The following RMST variants were observed in gnomAD, a reference collection of about 807,000 sequenced individuals.
The protein encoded by RMST is long intergenic non-protein coding RNA 54.
At chr12:97,492,264 G>C (rs932245929) in intron 5 of RMST, among the ~76,000 whole-genome samples, 16 of 152,164 alleles carry the variant, frequency 1.1e-4, no homozygotes, top group African/African-American at 3.1e-4. Flanking sequence ...ATATCTGTCA[G>C]ATCTTAACAC....
intron 10 of RMST, among the ~76,000 whole-genome samples, chr12:97,514,725 G>C (rs1565928975): frequency 6.6e-6 from 1 of 150,998 alleles, no homozygotes; most frequent in Non-Finnish European, 1.5e-5. Context: ...AATAGAGATT[G>C]ATTACATTTT....
intron 5 of RMST, among the ~76,000 whole-genome samples, chr12:97,477,004 G>C (rs996557524): frequency 1.3e-5 from 2 of 152,140 alleles, no homozygotes; most frequent in Admixed American, 1.3e-4. Context: ...CTAGAGCCAG[G>C]CATTACTGAG....
At chr12:97,530,261 C>G (rs758776924) in intron 10 of RMST, 1 of 152,064 alleles carries the variant, frequency 6.6e-6, no homozygotes, top group Non-Finnish European at 1.5e-5. Context: ...GTAGCCTTAA[C>G]ATTGGGATTG....
At chr12:97,487,320 G>A (rs547049263) in intron 5 of RMST, among the ~76,000 whole-genome samples, 6 of 152,310 alleles carry the variant, frequency 3.9e-5, no homozygotes, top group South Asian at 2.1e-4. Flanking sequence ...CTGGGTAGAT[G>A]TGAGCTTTTT....
intron 10 of RMST, among the ~76,000 whole-genome samples, chr12:97,517,483 T>C (rs747380204): frequency 1.1e-4 from 17 of 151,956 alleles, no homozygotes; most frequent in Non-Finnish European, 2.5e-4. Context: ...TTAAGGTTTT[T>C]CTTTAAAGAA....
At chr12:97,503,395 T>C (rs183677134) in intron 10 of RMST, among the ~76,000 whole-genome samples, 29 of 151,882 alleles carry the variant, frequency 1.9e-4, no homozygotes, top group Admixed American at 1.8e-3. Context: ...AAATTATCTA[T>C]AGTGAGATTA....
intron 5 of RMST, chr12:97,491,998 C>A (rs574766929): frequency 1.9e-6 from 1 of 529,450 alleles, no homozygotes; most frequent in East Asian, 5.5e-5. Flanking sequence ...AATGGAACTT[C>A]TCCCTTGAGA....
chr12:97,563,911 A>G (rs1335987587), intron 13 of RMST: 3 of 505,770 alleles, frequency 5.9e-6, no homozygotes, highest in East Asian at 5.6e-5. Context: ...GTGAAAAATC[A>G]TCAACTAAGA....
chr12:97,524,277 T>C (rs1880868978), intron 10 of RMST, among the ~76,000 whole-genome samples: 1 of 151,884 alleles, frequency 6.6e-6, no homozygotes, highest in South Asian at 2.1e-4. Context: ...ACCTACTGAA[T>C]CAAAATCTGC....
intron 10 of RMST, among the ~76,000 whole-genome samples, chr12:97,515,364 A>G (rs1879821817): frequency 6.6e-6 from 1 of 152,164 alleles, no homozygotes; most frequent in East Asian, 1.9e-4. Flanking sequence ...GTATGTTTTT[A>G]GAGAATAGAA....
At position 97,524,076 on chromosome 12, in the gene RMST, A is replaced by AGAGAAAAAAAAAAAAAAAAAG. The variant is rs1555232791; in HGVS notation, n.1341-6579_1341-6578insGAGAAAAAAAAAAAAAAAAAG. On this transcript the variant is annotated intron_variant and non_coding_transcript_variant, in intron 10 of 13. Coordinates refer to ENST00000640149, the Ensembl canonical transcript of RMST. ...GGGCAACAGAGTGAGACTCTGTCTC[A>AGAGAAAAAAAAAAAAAAAAAG]AAAAAAAAAAAAAAAAAAAAAAAAA... 8.6e-5 allele frequency among the ~76,000 whole-genome samples: 2 copies of AGAGAAAAAAAAAAAAAAAAAG among 23,222 alleles called. 1 individual carries two copies. Among genetic ancestry groups the AGAGAAAAAAAAAAAAAAAAAG allele is most frequent in the Non-Finnish European group, 2.1e-4 (2 of 9,628 alleles). The allele number at this position is 23,222 out of a possible 152,430, so 15.2% of individuals were successfully genotyped here. A position where few individuals can be genotyped will look rare whatever the true frequency, so the allele number is the denominator to read the frequency against.
intron 10 of RMST, among the ~76,000 whole-genome samples, chr12:97,523,382 G>A (rs1156672481): frequency 6.6e-6 from 1 of 152,202 alleles, no homozygotes; most frequent in Non-Finnish European, 1.5e-5. Context: ...GGGGGACGAA[G>A]TTATAGTTAG....
chr12:97,469,162 GTGTGTGTGTGTGTGTGTGTA>G (rs1436812210), intron 5 of RMST, among the ~76,000 whole-genome samples: 2 of 147,204 alleles, frequency 1.4e-5, no homozygotes, highest in Non-Finnish European at 3.0e-5. Flanking sequence ...GTGTGTGTGT[GTGTGTGTGTGTGTGTGTGTA>G]TGTGTGTATA....
chr12:97,467,592 A>T (rs1873352035), intron 5 of RMST, among the ~76,000 whole-genome samples: 1 of 151,966 alleles, frequency 6.6e-6, no homozygotes. Context: ...TCCTCTCCTG[A>T]TATGTTTACT....
chr12:97,538,808 C>T (rs1882289712), intron 11 of RMST, among the ~76,000 whole-genome samples: 1 of 151,236 alleles, frequency 6.6e-6, no homozygotes, highest in East Asian at 1.9e-4. Context: ...TTTGGGTTCA[C>T]TAAAACAGGT....
At chr12:97,508,290 G>T (rs1878912479) in intron 10 of RMST, among the ~76,000 whole-genome samples, 1 of 152,086 alleles carries the variant, frequency 6.6e-6, no homozygotes, top group Non-Finnish European at 1.5e-5. Flanking sequence ...TGAAAGAAAA[G>T]AAAAGAAGAG....
At chr12:97,463,814 T>A (rs1370251495) in intron 4 of RMST, among the ~76,000 whole-genome samples, 1 of 152,134 alleles carries the variant, frequency 6.6e-6, no homozygotes, top group Non-Finnish European at 1.5e-5. Context: ...CATACTCCAT[T>A]TGAAATATAT....
In RMST at chr12:97,482,727, AAATAAATTTATATTATTTATTTAT is replaced by A. The variant is rs1875534314; in HGVS notation, n.645-9733_645-9710del. Among the ~76,000 whole-genome samples, 2 of 63,816 alleles carry A rather than the reference AAATAAATTTATATTATTTATTTAT, an allele frequency of 3.1e-5. 1 individual carries two copies. The highest frequency in any genetic ancestry group is 1.3e-4 in the African/African-American group (2 of 15,700). 41.9% of individuals were successfully genotyped at this position (63,816 alleles called of 152,430 possible). Reference sequence around the variant, plus strand: ...AATAAATTTATATTATTTATTTATTAAATAAATTTATATTATTTATTTATTAAATAAATTTATATTATTTATTTA... The same window carrying A: ...AATAAATTTATATTATTTATTTATTATAAATAAATTTATATTATTTATTTA... On this transcript the variant is annotated intron_variant and non_coding_transcript_variant, in intron 5 of 13. Transcript: ENST00000640149.
exon 4 of RMST, chr12:97,463,166 G>A (rs915808772): frequency 1.3e-5 from 2 of 152,258 alleles, no homozygotes; most frequent in East Asian, 3.9e-4. Context: ...TATGCAGGCA[G>A]ATGAGTGTCA....
Sources: allele counts gnomAD v4.1 joint callset (sites outside exome capture counted in the v4.1 genomes callset), GRCh38; gene constraint gnomAD v4.1.1; transcripts MANE v1.5; gene names NCBI Gene and HGNC (gene_info 2026-07-23, HGNC 2026-07-21).